Variants in ATRX observed in about 807,000 individuals in gnomAD.
ATRX encodes ATRX chromatin remodeler.
In ATRX, 12 loss-of-function variants were observed where a neutral mutation model predicts 172.6. The ratio of observed to expected loss-of-function variants is 0.07; its 90% confidence interval spans 0.04 to 0.11. The LOEUF is 0.11. ATRX is among the 10% of genes least tolerant of loss of function. ATRX has a pLI of 1.00. For synonymous variants in ATRX, 674 were observed against 594.7 expected (o/e 1.13, Z -1.94); for missense variants, 1,368 against 1,767.4 (o/e 0.77, Z 4.05).
At chrX:77,537,846 T>A (rs1169346464) in intron 30 of ATRX, among the ~76,000 whole-genome samples, 2 of 111,168 alleles carry the variant, frequency 1.8e-5, no homozygotes, top group East Asian at 5.6e-4. Flanking sequence ...GTCCTGAATA[T>A]ATATATATGT....
At chrX:77,749,883 T>C (rs2075234698) in intron 1 of ATRX, among the ~76,000 whole-genome samples, 1 of 110,511 alleles carries the variant, frequency 9.0e-6, no homozygotes. Context: ...ATGGACACTG[T>C]CTGCTCCTGA....
rs1228084514 is a variant in ATRX at position 77,706,150 on chromosome X, C to CT, written c.134-7522dup. Among the ~76,000 whole-genome samples the CT allele has an allele frequency of 9.6e-4, 95 of 98,473 alleles. No individual in the cohort carries two copies. In the Middle Eastern group the frequency reaches 0.015, roughly 15 times the overall value. The allele number at this position is 98,473 out of a possible 115,157, so 85.5% of individuals were successfully genotyped here. A position where few individuals can be genotyped will look rare whatever the true frequency, so the allele number is the denominator to read the frequency against. ...TACAGGCACACACCACTACGCCTGGCTTTTTTTTTTTTTAATAGAGATGGA... is the reference window on the plus strand; with the variant it reads ...TACAGGCACACACCACTACGCCTGGCTTTTTTTTTTTTTTAATAGAGATGGA... On this transcript the variant is annotated intron_variant, in intron 2 of 34. Transcript: ENST00000373344.
chrX:77,681,551 C>A lies in ATRX; in HGVS notation c.3705G>T (p.Leu1235=). 3 of 1,210,145 alleles carry A rather than the reference C, an allele frequency of 2.5e-6. No individual in the cohort carries two copies. Among genetic ancestry groups the A allele is most frequent in the Non-Finnish European group, 3.4e-6 (3 of 894,902 alleles). Residue 1235 remains leucine (L), a synonymous_variant, in exon 9 of 35, where the codon CTG becomes CTT. Transcript: ENST00000373344. ...ATTGGCAAAATCCAGTATGTGAAGA[C>A]AGCACTAAATTTTCAGTCACAGGCT... The part of the protein sequence containing the change: ...KIKPVTENLV[L]SSHTGFCQSS...
intron 30 of ATRX, among the ~76,000 whole-genome samples, chrX:77,552,870 A>T (rs782381206): frequency 1.8e-5 from 2 of 111,610 alleles, no homozygotes; most frequent in East Asian, 5.7e-4. Flanking sequence ...ATATCAAGTA[A>T]GTTAAAAAGA....
At chrX:77,588,358 T>A (rs1602672459) in intron 27 of ATRX, among the ~76,000 whole-genome samples, 2 of 112,269 alleles carry the variant, frequency 1.8e-5, no homozygotes, top group East Asian at 5.6e-4. Flanking sequence ...GCTTCACGAC[T>A]TTTTATTTCG....
At chrX:77,716,322 AAATAT>A (rs1394489913) in intron 2 of ATRX, among the ~76,000 whole-genome samples, 1 of 41,843 alleles carries the variant, frequency 2.4e-5, no homozygotes, top group Non-Finnish European at 5.6e-5. Context: ...AAAAAAAAAA[AAATAT>A]ATATATATAT....
chrX:77,652,776 C>T (rs1222979817), intron 14 of ATRX, among the ~76,000 whole-genome samples: 1 of 105,372 alleles, frequency 9.5e-6, no homozygotes, highest in African/African-American at 3.5e-5. Flanking sequence ...CATCAGACTC[C>T]AGCCTGGGCG....
At chrX:77,752,353 T>C (rs1036639346) in intron 1 of ATRX, among the ~76,000 whole-genome samples, 2 of 112,244 alleles carry the variant, frequency 1.8e-5, no homozygotes, top group Non-Finnish European at 3.8e-5. Context: ...CTGAAGTTGC[T>C]TATCAGCTCA....
chrX:77,778,128 C>CAA (rs782624226), intron 1 of ATRX, among the ~76,000 whole-genome samples: 2 of 46,287 alleles, frequency 4.3e-5, no homozygotes, highest in Admixed American at 2.7e-4. Flanking sequence ...GACTCTGTCT[C>CAA]AAAAAAAAAA....
chrX:77,767,954 C>A (rs782740739), intron 1 of ATRX, among the ~76,000 whole-genome samples: 4 of 111,337 alleles, frequency 3.6e-5, no homozygotes, highest in Non-Finnish European at 5.6e-5. Context: ...GAGCTAAAAG[C>A]AGTTTAAAAT....
intron 19 of ATRX, among the ~76,000 whole-genome samples, chrX:77,628,662 G>T (rs1056620085): frequency 2.1e-4 from 23 of 111,943 alleles, no homozygotes; most frequent in African/African-American, 7.4e-4. Flanking sequence ...TGATGATTAT[G>T]ATCTCAGTGA....
At chrX:77,775,976 C>G (rs1195189134) in intron 1 of ATRX, among the ~76,000 whole-genome samples, 1 of 111,262 alleles carries the variant, frequency 9.0e-6, no homozygotes, top group Non-Finnish European at 1.9e-5. Flanking sequence ...AGGAGAACCA[C>G]CTGCCTTGGC....
At chrX:77,702,194 A>C (rs1246415730) in intron 2 of ATRX, among the ~76,000 whole-genome samples, 5 of 111,291 alleles carry the variant, frequency 4.5e-5, no homozygotes, top group African/African-American at 3.3e-5. Flanking sequence ...TGTAATCCCA[A>C]AACTTTGGGA....
chrX:77,704,751 G>A (rs782324415), intron 2 of ATRX, among the ~76,000 whole-genome samples: 9 of 112,243 alleles, frequency 8.0e-5, no homozygotes, highest in Non-Finnish European at 1.7e-4. Flanking sequence ...ACCCAGGCTC[G>A]GCCCCAACTT....
chrX:77,728,408 T>C (rs2074146866), intron 1 of ATRX, among the ~76,000 whole-genome samples: 1 of 111,976 alleles, frequency 8.9e-6, no homozygotes, highest in African/African-American at 3.2e-5. Flanking sequence ...TAATTAAATA[T>C]GTTTGGTTAG....
intron 27 of ATRX, among the ~76,000 whole-genome samples, chrX:77,588,766 TCAA>T (rs1209776840): frequency 6.3e-5 from 7 of 110,820 alleles, no homozygotes; most frequent in Non-Finnish European, 1.1e-4. Context: ...AAAACACATT[TCAA>T]CAACAAAAAG....
chrX:77,700,942 T>C (rs1290052338), intron 2 of ATRX, among the ~76,000 whole-genome samples: 1 of 112,825 alleles, frequency 8.9e-6, no homozygotes, highest in Non-Finnish European at 1.9e-5. Flanking sequence ...GAAACTATTC[T>C]GTATGATACC....
At chrX:77,545,375 G>A (rs895962571) in intron 30 of ATRX, among the ~76,000 whole-genome samples, 1 of 111,741 alleles carries the variant, frequency 8.9e-6, no homozygotes, top group Non-Finnish European at 1.9e-5. Context: ...ATATGTGCAT[G>A]TACACACACA....
At chrX:77,704,484 T>C (rs2072706221) in intron 2 of ATRX, among the ~76,000 whole-genome samples, 1 of 111,962 alleles carries the variant, frequency 8.9e-6, no homozygotes, top group Admixed American at 9.4e-5. Flanking sequence ...CTTCAGGCTT[T>C]CCCTGGCCTG....
Sources: gnomAD v4.1 joint callset for allele counts (sites outside exome capture counted in the v4.1 genomes callset) on GRCh38, gnomAD v4.1.1 for gene constraint, MANE v1.5 for transcripts, NCBI Gene and HGNC (gene_info 2026-07-23, HGNC 2026-07-21) for gene names.